Variants in THSD7B observed in about 807,000 individuals in gnomAD.
THSD7B encodes thrombospondin type-1 domain-containing protein 7B.
THSD7B carries 138 observed loss-of-function variants against 213.6 expected under a neutral mutation model. The observed-to-expected ratio is 0.65, with a 90% CI of 0.56 to 0.74. The LOEUF (loss-of-function observed/expected upper bound fraction) is 0.74, where lower values mean the gene tolerates loss of function less well. Among genes scored for constraint, THSD7B ranks in the 30% least tolerant of loss-of-function variants. The pLI is 0.00. For missense variants in THSD7B, 1,931 were observed against 1,991.5 expected (o/e 0.97, Z 0.58); for synonymous variants, 742 against 687.0 (o/e 1.08, Z -1.25).
chr2:137,114,866 C>T (rs1336936696), intron 4 of THSD7B, among the ~76,000 whole-genome samples: 1 of 152,146 alleles, frequency 6.6e-6, no homozygotes, highest in East Asian at 1.9e-4. Flanking sequence ...GGCTGAGACA[C>T]ACTCACTGTT....
intron 2 of THSD7B, among the ~76,000 whole-genome samples, chr2:136,983,152 T>C (rs1351116685): frequency 6.7e-6 from 1 of 150,030 alleles, no homozygotes; most frequent in Non-Finnish European, 1.5e-5. Flanking sequence ...TATATGTAAA[T>C]ATGAATTTTA....
intron 15 of THSD7B, among the ~76,000 whole-genome samples, chr2:137,546,091 C>T (rs1382465501): frequency 6.6e-6 from 1 of 150,756 alleles, no homozygotes; most frequent in Non-Finnish European, 1.5e-5. Flanking sequence ...TAATTCATAT[C>T]TATCTGAGAA....
chr2:137,450,875 G>T lies in THSD7B; in HGVS notation c.2990G>T (p.Cys997Phe), dbSNP rs775699641. ...ATTCAAGAAAAATGTGTCATTCCCT[G>T]CCCATTTGATTGCAAGTTAAGCGAT... is the stretch of plus-strand genomic sequence containing the variant. The part of the protein sequence containing the change: ...GYIQEKCVIP[C>F]PFDCKLSDWS... Residue 997 changes from cysteine to phenylalanine, a missense_variant, in exon 15 of 28, where the codon TGC (cysteine) becomes TTC (phenylalanine). Coordinates refer to ENST00000409968, the MANE Select transcript of THSD7B (RefSeq NM_001316349.2). 1 of 1,609,270 alleles carries T rather than the reference G, an allele frequency of 6.2e-7. No homozygotes were observed.
At chr2:137,129,740 C>T (rs1198741120) in intron 5 of THSD7B, among the ~76,000 whole-genome samples, 1 of 152,174 alleles carries the variant, frequency 6.6e-6, no homozygotes, top group Non-Finnish European at 1.5e-5. Context: ...CACACCTGAC[C>T]TTATAATACC....
intron 1 of THSD7B, among the ~76,000 whole-genome samples, chr2:136,867,170 T>G (rs1393137439): frequency 6.6e-6 from 1 of 152,214 alleles, no homozygotes; most frequent in African/African-American, 2.4e-5. Flanking sequence ...TTGTTGAAGC[T>G]TTTGAAAATA....
intron 2 of THSD7B, among the ~76,000 whole-genome samples, chr2:136,911,812 A>T (rs1275688654): frequency 2.0e-5 from 3 of 152,192 alleles, no homozygotes; most frequent in Non-Finnish European, 4.4e-5. Context: ...ACCAAATCCT[A>T]CGGATATATT....
intron 3 of THSD7B, among the ~76,000 whole-genome samples, chr2:137,089,051 A>T (rs916088888): frequency 6.6e-6 from 1 of 152,174 alleles, no homozygotes; most frequent in Admixed American, 6.5e-5. Flanking sequence ...ACCACTATGA[A>T]AAACAGTGTG....
intron 15 of THSD7B, among the ~76,000 whole-genome samples, chr2:137,476,381 A>C: frequency 6.6e-6 from 1 of 152,010 alleles, no homozygotes; most frequent in Non-Finnish European, 1.5e-5. Flanking sequence ...GTTACTCATA[A>C]AATCTTTGCC....
chr2:137,031,208 G>T (rs925999118), intron 2 of THSD7B, among the ~76,000 whole-genome samples: 9 of 91,384 alleles, frequency 9.8e-5, no homozygotes, highest in Non-Finnish European at 1.9e-4. Flanking sequence ...GCTGGGCATG[G>T]TGGCGGGTTG....
At chr2:137,119,636 G>A (rs892133472) in intron 5 of THSD7B, among the ~76,000 whole-genome samples, 1 of 152,106 alleles carries the variant, frequency 6.6e-6, no homozygotes, top group African/African-American at 2.4e-5. Context: ...ACGGTGGAAA[G>A]GTAGGCCTTC....
At chr2:137,212,662 A>C (rs1271120756) in intron 7 of THSD7B, among the ~76,000 whole-genome samples, 2 of 152,028 alleles carry the variant, frequency 1.3e-5, no homozygotes, top group Non-Finnish European at 2.9e-5. Context: ...GTGCACACAA[A>C]AAAAATATCA....
At chr2:137,653,519 C>T (rs754174846) in intron 21 of THSD7B, among the ~76,000 whole-genome samples, 22 of 151,118 alleles carry the variant, frequency 1.5e-4, no homozygotes, top group South Asian at 4.2e-4. Flanking sequence ...ATGTTTTCGA[C>T]GCTTTGCTCT....
intron 14 of THSD7B, among the ~76,000 whole-genome samples, chr2:137,437,662 G>A (rs951092596): frequency 6.6e-6 from 1 of 152,080 alleles, no homozygotes; most frequent in African/African-American, 2.4e-5. Context: ...ACAGGAAGAG[G>A]AACCTGATTG....
At chr2:137,161,440 C>G (rs1281053733) in intron 6 of THSD7B, among the ~76,000 whole-genome samples, 2 of 152,196 alleles carry the variant, frequency 1.3e-5, no homozygotes, top group Non-Finnish European at 2.9e-5. Flanking sequence ...ACCCTGCTCA[C>G]TGCTTACTGC....
chr2:136,819,693 C>T (rs909500825), intron 1 of THSD7B, among the ~76,000 whole-genome samples: 3 of 152,122 alleles, frequency 2.0e-5, no homozygotes, highest in African/African-American at 7.2e-5. Flanking sequence ...TATGCCCCCC[C>T]CAGTCCAGCT....
chr2:136,994,034 T>G (rs2104818245), intron 2 of THSD7B, among the ~76,000 whole-genome samples: 1 of 152,318 alleles, frequency 6.6e-6, no homozygotes, highest in Admixed American at 6.5e-5. Context: ...TGGATATACT[T>G]TTGCTATTTT....
At chr2:137,144,923 C>G (rs571203453) in intron 5 of THSD7B, among the ~76,000 whole-genome samples, 12 of 152,056 alleles carry the variant, frequency 7.9e-5, no homozygotes, top group African/African-American at 2.9e-4. Flanking sequence ...CACTGTTGAT[C>G]TTGAAAAAGT....
At chr2:137,196,895 CTG>C (rs896919403) in intron 7 of THSD7B, among the ~76,000 whole-genome samples, 5 of 152,112 alleles carry the variant, frequency 3.3e-5, no homozygotes, top group African/African-American at 1.2e-4. Flanking sequence ...GATATTCAAA[CTG>C]TAATCAAAGA....
At chr2:136,952,009 A>C (rs564358308) in intron 2 of THSD7B, among the ~76,000 whole-genome samples, 2 of 152,078 alleles carry the variant, frequency 1.3e-5, no homozygotes, top group Admixed American at 1.3e-4. Context: ...AGCTGGAACT[A>C]CAGGCACGCA....
Sources: allele counts gnomAD v4.1 joint callset (sites outside exome capture counted in the v4.1 genomes callset), GRCh38; gene constraint gnomAD v4.1.1; transcripts MANE v1.5; gene names NCBI Gene and HGNC (gene_info 2026-07-23, HGNC 2026-07-21).